PROSER1: variants seen among roughly 807,000 people sequenced by gnomAD.
PROSER1 encodes the protein proline and serine rich 1.
A neutral mutation model predicts 71.8 loss-of-function variants in PROSER1; 36 were observed. That is an observed-to-expected ratio of 0.50 (90% CI 0.38 to 0.66). The LOEUF is 0.66. PROSER1 is among the 30% of genes least tolerant of loss of function. The pLI is 0.00. For missense variants in PROSER1, 1,107 were observed against 1,135.0 expected (o/e 0.98, Z 0.35); for synonymous variants, 490 against 452.4 (o/e 1.08, Z -1.06).
At chr13:39,033,293 GACA>G (rs1340544206) in intron 2 of PROSER1, among the ~76,000 whole-genome samples, 2 of 152,206 alleles carry the variant, frequency 1.3e-5, no homozygotes, top group Middle Eastern at 3.2e-3. Context: ...CTGACATAAA[GACA>G]ACAAATGCAA....
At chr13:39,022,222 C>A in intron 9 of PROSER1, 104 bp downstream of exon 9, 1 of 788,940 alleles carries the variant, frequency 1.3e-6, no homozygotes. Context: ...GACTCTTGAG[C>A]TTGTGTTCCC....
rs750557799 is a variant in PROSER1, at chr13:39,013,059, G to A, written c.2193C>T (p.Thr731=). The A allele has an allele frequency of 6.2e-6, 10 of 1,613,894 alleles. No individual in the cohort carries two copies. Among genetic ancestry groups the A allele is most frequent in the Admixed American group, 1.7e-5 (1 of 59,986 alleles). Reference sequence around the variant, plus strand: ...GAGGGAGAGATGTGGAGGTGGCAGCGGTAGATGAGGTGGCTATTAATGACC... The same window carrying A: ...GAGGGAGAGATGTGGAGGTGGCAGCAGTAGATGAGGTGGCTATTAATGACC... ...LPGSLIATSS[T]AATSTSLPHP... The change falls in exon 11 of 13, where the codon ACC becomes ACT. Residue 731 remains threonine (T), a synonymous_variant. Transcript: ENST00000352251.
At position 39,013,386 on chromosome 13, in the gene PROSER1, T is replaced by C. The variant is rs1246026814; in HGVS notation, c.1866A>G (p.Pro622=). 1.9e-6 allele frequency: 3 copies of C among 1,614,094 alleles called. No individual in the cohort carries two copies. The East Asian group carries it at 6.7e-5, about 36-fold the overall frequency. ...CATGAGAGGGATTCCCAGAATGAGA[T>C]GGACCTTTGAAGGCCGAGGGAGTAG... is the stretch of plus-strand genomic sequence containing the variant. ...TSPTPSAFKG[P]SHSGNPSHGT... The change falls in exon 11 of 13, where the codon CCA becomes CCG. Residue 622 remains proline, a synonymous_variant. Transcript: ENST00000352251.
chr13:39,035,427 G>C (rs1029240680), intron 1 of PROSER1, among the ~76,000 whole-genome samples: 2 of 152,170 alleles, frequency 1.3e-5, no homozygotes, highest in African/African-American at 4.8e-5. Context: ...GTCTTGAGCT[G>C]ATAGTTAACC....
chr13:39,024,618 A>G (rs1870459432), intron 6 of PROSER1, 62 bp from the exon 7 acceptor site: 2 of 1,178,808 alleles, frequency 1.7e-6, no homozygotes, highest in Admixed American at 4.7e-5. Context: ...AACCAGTAAC[A>G]ATAACCAACC....
intron 5 of PROSER1, among the ~76,000 whole-genome samples, chr13:39,026,983 ACT>A (rs942584502): frequency 3.7e-4 from 57 of 152,294 alleles, no homozygotes; most frequent in African/African-American, 1.4e-3. Context: ...CCGCACACAC[ACT>A]GAGTTGGTGC....
intron 1 of PROSER1, among the ~76,000 whole-genome samples, chr13:39,034,553 C>G (rs1204819730): frequency 6.6e-6 from 1 of 152,200 alleles, no homozygotes; most frequent in Non-Finnish European, 1.5e-5. Flanking sequence ...TCCAAATTGT[C>G]ATTTTTAAGA....
chr13:39,033,268 G>A (rs1870945355), intron 2 of PROSER1, among the ~76,000 whole-genome samples: 1 of 152,158 alleles, frequency 6.6e-6, no homozygotes, highest in Admixed American at 6.5e-5. Flanking sequence ...GTAAAGCAAT[G>A]GGAAAGCTGA....
intron 12 of PROSER1, among the ~76,000 whole-genome samples, chr13:39,011,784 CAAGTT>C (rs1490645802): frequency 6.6e-6 from 1 of 152,158 alleles, no homozygotes; most frequent in Non-Finnish European, 1.5e-5. Flanking sequence ...TTACAGAAGA[CAAGTT>C]AACATTTAAC....
Position 39,013,587 on chromosome 13 carries a change from C to A in PROSER1, c.1665G>T (p.Leu555Phe). The change falls in exon 11 of 13, where the codon TTG becomes TTT. Residue 555 changes from leucine (L) to phenylalanine (F), a missense_variant. Transcript: ENST00000352251. ...CAGTGGCTAAAGGAGACTGTACAGG[C>A]AATGTCAGGGGAGTGGAAGTTGAGT... is the stretch of plus-strand genomic sequence containing the variant. ...VANSTSTPLT[L>F]PVQSPLATAA... is the part of the protein sequence containing the mutation. 6.2e-7 allele frequency: 1 copy of A among 1,614,066 alleles called. No individual in the cohort carries two copies. Among genetic ancestry groups the A allele is most frequent in the Non-Finnish European group, 8.5e-7 (1 of 1,180,018 alleles).
chr13:39,030,537 G>A (rs1204059494), intron 3 of PROSER1, among the ~76,000 whole-genome samples: 1 of 151,986 alleles, frequency 6.6e-6, no homozygotes, highest in Non-Finnish European at 1.5e-5. Context: ...TCCCCCTGCC[G>A]CAGCCTCCTG....
At chr13:39,027,440 A>G (rs1281733034) in intron 5 of PROSER1, among the ~76,000 whole-genome samples, 1 of 152,196 alleles carries the variant, frequency 6.6e-6, no homozygotes, top group Non-Finnish European at 1.5e-5. Context: ...TCAGGCCCAG[A>G]ATATTTCTGA....
At position 39,013,036 on chromosome 13, in the gene PROSER1, G is replaced by A. The variant is rs894588375; in HGVS notation, c.2216C>T (p.Pro739Leu). 2 of 1,614,116 alleles carry A rather than the reference G, an allele frequency of 1.2e-6. No individual in the cohort carries two copies. Among genetic ancestry groups the A allele is most frequent in the Admixed American group, 1.7e-5 (1 of 60,026 alleles). ...AACAGCTGCCGTTGAGCTAGGATGA[G>A]GGAGAGATGTGGAGGTGGCAGCGGT... ...SSTAATSTSL[P>L]HPSSTAAVLS... The change falls in exon 11 of 13, where the codon CCT becomes CTT. Residue 739 changes from proline (P) to leucine (L), a missense_variant. By Grantham distance (98) the Pro-to-Leu change is moderately conservative (BLOSUM62 -3). Coordinates refer to ENST00000352251, the MANE Select transcript of PROSER1 (RefSeq NM_025138.5).
At chr13:39,036,612 A>G (rs1871119610) in intron 1 of PROSER1, among the ~76,000 whole-genome samples, 1 of 152,188 alleles carries the variant, frequency 6.6e-6, no homozygotes, top group African/African-American at 2.4e-5. Context: ...GATCCACACA[A>G]CAGCCTCAAA....
chr13:39,028,808 C>T (rs1870671040), intron 4 of PROSER1, among the ~76,000 whole-genome samples: 2 of 151,950 alleles, frequency 1.3e-5, no homozygotes, highest in South Asian at 4.1e-4. Context: ...TCTTTTTGAG[C>T]TTACATTCAT....
At chr13:39,016,018 T>C (rs1418712287) in intron 10 of PROSER1, among the ~76,000 whole-genome samples, 1 of 152,204 alleles carries the variant, frequency 6.6e-6, no homozygotes, top group Admixed American at 6.5e-5. Context: ...CTGAAGACCA[T>C]GTAGCTAATG....
chr13:39,037,313 C>T lies in PROSER1; in HGVS notation c.-71G>A. ...AAAAGACGTTCATCCCTGGTCTGCT[C>T]CGCCGATAGTAAAAAATATTTATAG... On this transcript the variant is annotated 5_prime_UTR_variant, in exon 1 of 13. Transcript: ENST00000352251. 1 of 1,096,176 alleles carries T rather than the reference C, an allele frequency of 9.1e-7. No individual in the cohort carries two copies. Among genetic ancestry groups the T allele is most frequent in the South Asian group, 1.3e-5 (1 of 79,484 alleles). 67.9% of individuals were successfully genotyped at this position (1,096,176 alleles called of 1,614,324 possible).
chr13:39,037,309 T>G lies in PROSER1; in HGVS notation c.-67A>C, dbSNP rs983803032. The stretch of plus-strand genomic sequence containing the variant: ...AATTAAAAGACGTTCATCCCTGGTC[T>G]GCTCCGCCGATAGTAAAAAATATTT... On this transcript the variant is annotated 5_prime_UTR_variant, in exon 1 of 13. Transcript: ENST00000352251. The G allele has an allele frequency of 2.5e-5, 29 of 1,147,794 alleles. No individual in the cohort carries two copies. The highest frequency in any genetic ancestry group is 1.6e-4 in the Admixed American group (9 of 58,016). The allele number at this position is 1,147,794 out of a possible 1,614,324, so 71.1% of individuals were successfully genotyped here.
intron 1 of PROSER1, among the ~76,000 whole-genome samples, chr13:39,036,511 A>G (rs542321706): frequency 1.3e-5 from 2 of 152,188 alleles, no homozygotes; most frequent in South Asian, 4.1e-4. Flanking sequence ...TTTTAAAATA[A>G]GTAACTTCTC....
Sources: gnomAD v4.1 joint callset for allele counts (sites outside exome capture counted in the v4.1 genomes callset) on GRCh38, gnomAD v4.1.1 for gene constraint, MANE v1.5 for transcripts, NCBI Gene and HGNC (gene_info 2026-07-23, HGNC 2026-07-21) for gene names.